Variants in PWWP2A observed in about 807,000 individuals in gnomAD.
PWWP2A encodes the protein PWWP domain-containing protein 2A.
PWWP2A carries 18 observed loss-of-function variants against 48.5 expected under a neutral mutation model. The observed-to-expected ratio is 0.37, with a 90% CI of 0.26 to 0.55. The LOEUF is 0.55. Among genes scored for constraint, PWWP2A ranks in the 20% least tolerant of loss-of-function variants. The probability of loss-of-function intolerance (pLI) is 0.81; values close to 1 mark genes in which losing one functional copy is unlikely to be tolerated. For synonymous variants in PWWP2A, 396 were observed against 387.7 expected, an observed-to-expected ratio of 1.02 and a Z score of -0.25; for missense variants, 867 against 976.4, an observed-to-expected ratio of 0.89 and a Z score of 1.49.
chr5:160,073,636 C>T (rs991619995), downstream of PWWP2A, among the ~76,000 whole-genome samples: 6 of 152,200 alleles, frequency 3.9e-5, no homozygotes, highest in Admixed American at 6.6e-5. Context: ...GTACTCTTAA[C>T]GCTTAAAGAC....
downstream of PWWP2A, chr5:160,090,406 T>C: frequency 1.0e-6 from 1 of 983,554 alleles, no homozygotes; most frequent in Non-Finnish European, 1.2e-6. Flanking sequence ...AGTTCATTAA[T>C]CTGAAACAAA....
intron 1 of PWWP2A, among the ~76,000 whole-genome samples, chr5:160,108,948 G>T (rs948393483): frequency 6.6e-5 from 10 of 152,214 alleles, no homozygotes; most frequent in African/African-American, 1.9e-4. Context: ...AAAGTGCTGG[G>T]ATTACAGGCA....
downstream of PWWP2A, chr5:160,090,073 G>T (rs1160610193): frequency 7.1e-6 from 7 of 985,230 alleles, no homozygotes; most frequent in Admixed American, 6.1e-5. Flanking sequence ...AGTTTAAAAC[G>T]AAGGGGTCAT....
chr5:160,070,116 C>G (rs1753707171), intron 2 of PWWP2A, among the ~76,000 whole-genome samples: 1 of 152,118 alleles, frequency 6.6e-6, no homozygotes, highest in African/African-American at 2.4e-5. Context: ...TTCATTCTTT[C>G]ATTTTACTCA....
rs1330824110 is a variant in PWWP2A at position 160,092,485 on chromosome 5, T to C, written c.2165A>G (p.Lys722Arg). The C allele has an allele frequency of 6.4e-7, 1 of 1,551,642 alleles. No individual in the cohort carries two copies. Among genetic ancestry groups the C allele is most frequent in the South Asian group, 1.2e-5 (1 of 84,054 alleles). The stretch of plus-strand genomic sequence containing the variant: ...CTTGCGATACAGGCCCTTTCTCTTC[T>C]TATTAAAGCGTGACTGGAAGTTTTC... ...FLENFQSRFN[K>R]KRKGLYRKAI... is the part of the protein sequence containing the mutation. The change falls in exon 2 of 2, where the codon AAG (lysine) becomes AGG (arginine). Residue 722 changes from lysine (K) to arginine (R), a missense_variant. Coordinates refer to ENST00000307063, the MANE Select transcript of PWWP2A (RefSeq NM_001130864.2).
intron 3 of PWWP2A, chr5:160,066,714 A>G (rs1350588736): frequency 1.3e-5 from 2 of 152,162 alleles, no homozygotes; most frequent in Non-Finnish European, 2.9e-5. Context: ...TCCCTTTGAA[A>G]AATAACATGT....
At chr5:160,111,438 T>C (rs188053505) in intron 1 of PWWP2A, among the ~76,000 whole-genome samples, 2 of 151,842 alleles carry the variant, frequency 1.3e-5, no homozygotes, top group Non-Finnish European at 1.5e-5. Context: ...AAAGTGCTGG[T>C]ATTACAGGCG....
intron 1 of PWWP2A, among the ~76,000 whole-genome samples, chr5:160,118,241 G>A (rs1758328888): frequency 6.6e-6 from 1 of 152,100 alleles, no homozygotes; most frequent in African/African-American, 2.4e-5. Context: ...TAACCTAACG[G>A]GAATGACTTC....
At chr5:160,055,064 T>C in the PWWP2A span, among the ~76,000 whole-genome samples, 5 of 152,174 alleles carry the variant, frequency 3.3e-5, no homozygotes, top group African/African-American at 4.8e-5. Flanking sequence ...TCATTATTTA[T>C]GGCAGCCATG....
chr5:160,054,497 C>G, the PWWP2A span, among the ~76,000 whole-genome samples: 1 of 152,020 alleles, frequency 6.6e-6, no homozygotes, highest in Admixed American at 6.6e-5. Flanking sequence ...AGACTGTGGT[C>G]CCAGCTACTT....
downstream of PWWP2A, chr5:160,090,346 A>AT: frequency 1.0e-6 from 1 of 984,214 alleles, no homozygotes; most frequent in Non-Finnish European, 1.2e-6. Flanking sequence ...ATGACTTTTA[A>AT]GTCTTTCTGA....
rs181202889 is a variant in PWWP2A, at chr5:160,094,131, G to A, written c.585-66C>T. 1.3e-5 allele frequency: 18 copies of A among 1,436,976 alleles called. 1 individual carries two copies. Among genetic ancestry groups the A allele is most frequent in the Middle Eastern group, 2.5e-4 (1 of 4,064 alleles). The allele number at this position is 1,436,976 out of a possible 1,614,324, so 89.0% of individuals were successfully genotyped here. On this transcript the variant is annotated intron_variant, in intron 1 of 1. Coordinates refer to ENST00000307063, the MANE Select transcript of PWWP2A (RefSeq NM_001130864.2). ...ACATCTATAATTCAATTTCTTAAAC[G>A]TAAACAACATCTGATGCTTATTTAT...
rs926022742 is a variant in PWWP2A at position 160,092,956 on chromosome 5, G to C, written c.1694C>G (p.Ser565Cys). The C allele has an allele frequency of 3.2e-6, 5 of 1,552,338 alleles. No individual in the cohort carries two copies. The African/African-American group carries it at 6.8e-5, about 21-fold the overall frequency. The change falls in exon 2 of 2, where the codon TCT (serine) becomes TGT (cysteine). Residue 565 changes from serine to cysteine, a missense_variant. Ser to Cys is a moderately radical substitution (Grantham distance 112). This residue lies in a region of PWWP2A where 382 missense variants were observed against 407.2 expected (regional missense o/e 0.94). Transcript: ENST00000307063. ...CTTTTGATTTAGGGTCATATAAACA[G>C]AGATATTGTTTTTGCTGCCCTTTTT... The part of the protein sequence containing the change: ...LGKKGSKNNI[S>C]VYMTLNQKKS...
At chr5:160,054,951 A>T in the PWWP2A span, among the ~76,000 whole-genome samples, 14 of 152,124 alleles carry the variant, frequency 9.2e-5, no homozygotes, top group African/African-American at 2.7e-4. Flanking sequence ...CTTAGGACAA[A>T]CTCCCAGGGT....
At position 160,078,815 on chromosome 5, in the gene PWWP2A, G is replaced by A. The variant is rs190495796; in HGVS notation, c.1670-647C>T. Among the ~76,000 whole-genome samples the A allele has an allele frequency of 1.3e-4, 20 of 152,274 alleles. No homozygotes were observed. Among genetic ancestry groups the A allele is most frequent in the African/African-American group, 4.6e-4 (19 of 41,550 alleles). On this transcript the variant is annotated intron_variant, in intron 3 of 3. Transcript: ENST00000456329. This position sits in a 1 kb window ranked among gnomAD's most constrained non-coding sequence, Gnocchi z 4.2. ...CTGGTTAGACGGACCAGTATCCCTT[G>A]TTACACCAGCAAACGTGATTCTCAG...
intron 2 of PWWP2A, among the ~76,000 whole-genome samples, chr5:160,083,297 G>C (rs1381036796): frequency 6.6e-6 from 1 of 152,070 alleles, no homozygotes; most frequent in Non-Finnish European, 1.5e-5. Flanking sequence ...ACAGATTTGT[G>C]ATTAACAGCA....
At chr5:160,108,097 A>C (rs1457872915) in intron 1 of PWWP2A, among the ~76,000 whole-genome samples, 3 of 151,978 alleles carry the variant, frequency 2.0e-5, no homozygotes, top group African/African-American at 7.2e-5. Context: ...TTTAAGTTTT[A>C]TTTTTAATTC....
At chr5:160,083,457 T>C (rs545199440) in intron 2 of PWWP2A, among the ~76,000 whole-genome samples, 2 of 152,116 alleles carry the variant, frequency 1.3e-5, no homozygotes, top group South Asian at 4.1e-4. Flanking sequence ...AAAACGAAAA[T>C]GTTCAAATTA....
At chr5:160,061,658 T>G (rs1753411822), downstream of PWWP2A, 1 of 150,992 alleles carries the variant, frequency 6.6e-6, no homozygotes, top group Admixed American at 6.6e-5. Flanking sequence ...ATTTCGCATT[T>G]TCTTTTTTTT....
Sources: gnomAD v4.1 joint callset for allele counts (sites outside exome capture counted in the v4.1 genomes callset) on GRCh38, gnomAD v4.1.1 for gene constraint, gnomAD v4.1.1 regional missense constraint, Gnocchi (gnomAD v3.1) non-coding constraint, MANE v1.5 for transcripts, NCBI Gene and HGNC (gene_info 2026-07-23, HGNC 2026-07-21) for gene names.